CNTN5: variants seen among roughly 807,000 people sequenced by gnomAD.
CNTN5 encodes the protein contactin-5.
In CNTN5, 77 loss-of-function variants were observed where a neutral mutation model predicts 129.1. That is an observed-to-expected ratio of 0.60 (90% CI 0.50 to 0.72). The LOEUF is 0.72. Ranked by LOEUF, CNTN5 falls within the 30% of genes least tolerant of loss-of-function variation. CNTN5 has a pLI of 0.00. For synonymous variants in CNTN5, 509 were observed against 465.6 expected (o/e 1.09, Z -1.20); for missense variants, 1,478 against 1,328.8 (o/e 1.11, Z -1.75).
intron 13 of CNTN5, among the ~76,000 whole-genome samples, chr11:100,153,239 A>G (rs1591323090): frequency 6.6e-6 from 1 of 152,088 alleles, no homozygotes; most frequent in East Asian, 1.9e-4. Context: ...CATTAACATT[A>G]TTAGTAAACC....
intron 13 of CNTN5, among the ~76,000 whole-genome samples, chr11:100,087,411 C>G (rs1168127479): frequency 6.6e-6 from 1 of 151,616 alleles, no homozygotes; most frequent in African/African-American, 2.4e-5. Context: ...AAAATAAGAA[C>G]AAATGATCCC....
At chr11:100,108,123 T>C (rs17697327) in intron 13 of CNTN5, among the ~76,000 whole-genome samples, 17,343 of 151,632 alleles carry the variant, frequency 0.11, 1,190 homozygotes, top group African/African-American at 0.19. Context: ...GAGGTCATAC[T>C]TGTGCAAATC....
intron 3 of CNTN5, among the ~76,000 whole-genome samples, chr11:99,578,178 A>G (rs1042439650): frequency 6.6e-6 from 1 of 151,944 alleles, no homozygotes; most frequent in East Asian, 1.9e-4. Flanking sequence ...TCATGGCTGC[A>G]TAGTATTCCA....
intron 1 of CNTN5, among the ~76,000 whole-genome samples, chr11:99,088,449 T>C (rs147253811): frequency 2.3e-4 from 35 of 152,262 alleles, no homozygotes; most frequent in African/African-American, 8.4e-4. Context: ...GGCACATTCC[T>C]TACCTGCCAG....
At chr11:99,908,127 T>C (rs911453360) in intron 6 of CNTN5, among the ~76,000 whole-genome samples, 10 of 152,148 alleles carry the variant, frequency 6.6e-5, no homozygotes, top group Admixed American at 3.9e-4. Context: ...TTTTGTTTTT[T>C]TACACTTGCA....
intron 2 of CNTN5, among the ~76,000 whole-genome samples, chr11:99,364,063 C>A (rs1443590554): frequency 6.6e-6 from 1 of 151,832 alleles, no homozygotes; most frequent in Non-Finnish European, 1.5e-5. Context: ...AACAAATATC[C>A]ATCTAAAAAT....
intron 3 of CNTN5, among the ~76,000 whole-genome samples, chr11:99,657,923 T>C (rs927613766): frequency 2.6e-5 from 4 of 152,178 alleles, no homozygotes; most frequent in African/African-American, 9.7e-5. Context: ...ATTGGCCTTC[T>C]TTCACCACTG....
chr11:100,115,976 A>AG (rs1945828419), intron 13 of CNTN5, among the ~76,000 whole-genome samples: 1 of 152,018 alleles, frequency 6.6e-6, no homozygotes, highest in African/African-American at 2.4e-5. Flanking sequence ...AGAGGGATGA[A>AG]GAAGAGAATT....
In CNTN5 at chr11:100,318,779, T is replaced by A. The variant is rs946852594; in HGVS notation, c.2730+10311T>A. Among the ~76,000 whole-genome samples, 25 of 152,092 alleles carry A rather than the reference T, an allele frequency of 1.6e-4. 1 individual carries two copies. The highest frequency in any genetic ancestry group is 2.9e-5 in the Non-Finnish European group (2 of 68,010). On this transcript the variant is annotated intron_variant, in intron 21 of 24. Transcript: ENST00000524871. ...TACATACAGACATGGGCTTGCTTAA[T>A]AAACTAGGAAATGAAGAAATTGTAT...
At chr11:100,060,820 T>C (rs377197911) in intron 9 of CNTN5, among the ~76,000 whole-genome samples, 41 of 151,972 alleles carry the variant, frequency 2.7e-4, no homozygotes, top group Middle Eastern at 3.4e-3. Context: ...TTGTATTTTT[T>C]AGTAGAGATG....
At chr11:100,299,528 T>C (rs1394934744) in intron 20 of CNTN5, 132 bp downstream of exon 20, 1 of 557,880 alleles carries the variant, frequency 1.8e-6, no homozygotes, top group Non-Finnish European at 2.9e-6. Context: ...ACTAAACTTT[T>C]TGGATATATA....
chr11:99,307,879 A>T (rs931546283), intron 1 of CNTN5, among the ~76,000 whole-genome samples: 1 of 152,198 alleles, frequency 6.6e-6, no homozygotes, highest in African/African-American at 2.4e-5. Context: ...AAGTATGCAG[A>T]CCTGCTGGAG....
At chr11:99,893,385 T>A (rs1031680084) in intron 6 of CNTN5, among the ~76,000 whole-genome samples, 3 of 152,198 alleles carry the variant, frequency 2.0e-5, no homozygotes, top group Admixed American at 6.5e-5. Context: ...TCATGAAAGA[T>A]TTTTAAATTT....
chr11:99,543,039 T>C (rs1948167338), intron 2 of CNTN5, among the ~76,000 whole-genome samples: 1 of 152,206 alleles, frequency 6.6e-6, no homozygotes, highest in South Asian at 2.1e-4. Context: ...TTTGGCCACC[T>C]CTATTAAATT....
chr11:100,173,324 C>T (rs537866508), intron 13 of CNTN5, among the ~76,000 whole-genome samples: 1 of 152,082 alleles, frequency 6.6e-6, no homozygotes, highest in Non-Finnish European at 1.5e-5. Context: ...TTCCTACCTC[C>T]AAATTCAAGG....
intron 1 of CNTN5, among the ~76,000 whole-genome samples, chr11:99,273,014 C>G (rs1222248161): frequency 6.6e-6 from 1 of 151,724 alleles, no homozygotes; most frequent in East Asian, 1.9e-4. Flanking sequence ...CCTGTCTAAA[C>G]AATTTTTAAT....
chr11:99,348,805 TG>T (rs1401026162), intron 2 of CNTN5, among the ~76,000 whole-genome samples: 1 of 152,196 alleles, frequency 6.6e-6, no homozygotes. Flanking sequence ...GAAGACTCCT[TG>T]GTGTGCACAG....
chr11:99,228,308 A>G (rs1244383759), intron 1 of CNTN5, among the ~76,000 whole-genome samples: 1 of 152,164 alleles, frequency 6.6e-6, no homozygotes, highest in Non-Finnish European at 1.5e-5. Context: ...TAGTAGAATG[A>G]TAGATACTAG....
intron 3 of CNTN5, among the ~76,000 whole-genome samples, chr11:99,626,391 T>C (rs646067): frequency 0.61 from 92,863 of 151,920 alleles, 29,277 homozygotes; most frequent in Admixed American, 0.74. Context: ...ACTGTTTTAG[T>C]GGAAGTATTC....
Sources: allele counts gnomAD v4.1 joint callset (sites outside exome capture counted in the v4.1 genomes callset), GRCh38; gene constraint gnomAD v4.1.1; transcripts MANE v1.5; gene names NCBI Gene and HGNC (gene_info 2026-07-23, HGNC 2026-07-21).